Variants in CNBD2 observed in about 807,000 individuals in gnomAD.
CNBD2 encodes the protein cyclic nucleotide binding domain containing 2.
A neutral mutation model predicts 63.7 loss-of-function variants in CNBD2; 64 were observed. The ratio of observed to expected loss-of-function variants is 1.00; its 90% CI spans 0.82 to 1.24. The LOEUF is 1.24. CNBD2 is among the 50% of genes most tolerant of loss of function. The pLI, the probability that CNBD2 is intolerant of heterozygous loss-of-function variation, is 0.00. For missense variants in CNBD2, 691 were observed against 713.5 expected, an observed-to-expected ratio of 0.97 and a Z score of 0.36; for synonymous variants, 229 against 255.4, an observed-to-expected ratio of 0.90 and a Z score of 0.99.
intron 4 of CNBD2, among the ~76,000 whole-genome samples, chr20:35,982,465 C>T (rs997206388): frequency 2.0e-5 from 3 of 151,970 alleles, no homozygotes; most frequent in Admixed American, 2.0e-4. Flanking sequence ...TTGAATGTGC[C>T]GTGCTTTGGG....
At chr20:35,965,375 A>G (rs1427713073), upstream of CNBD2, among the ~76,000 whole-genome samples, 1 of 151,976 alleles carries the variant, frequency 6.6e-6, no homozygotes, top group Non-Finnish European at 1.5e-5. Context: ...ACTGGGTTTC[A>G]CCATGTTGGA....
upstream of CNBD2, chr20:35,954,692 C>T (rs6087748): frequency 4.4e-6 from 5 of 1,146,458 alleles, no homozygotes; most frequent in African/African-American, 3.2e-5. Flanking sequence ...GAGGAGGAGC[C>T]TGAATGTTTG....
intron 3 of CNBD2, among the ~76,000 whole-genome samples, chr20:35,978,751 C>T (rs2056557679): frequency 6.6e-6 from 1 of 152,128 alleles, no homozygotes; most frequent in South Asian, 2.1e-4. Context: ...CTTGGCCTCC[C>T]AAAGCACTGG....
intron 2 of CNBD2, among the ~76,000 whole-genome samples, chr20:35,975,676 C>T (rs1007670480): frequency 5.3e-5 from 8 of 152,118 alleles, no homozygotes; most frequent in African/African-American, 1.9e-4. Context: ...TTCCTTTTCT[C>T]TCTCCTTTCC....
rs200544673 is a variant in CNBD2, at chr20:35,975,933, G to A, written c.190-16G>A. ...CTTGCTGATTCTCCCTCTTCTCCCT[G>A]CCCTCTTTCTTTCAGAAAAAGATGC... On this transcript the variant is annotated splice_polypyrimidine_tract_variant and intron_variant, in intron 2 of 11. Transcript: ENST00000373973. The A allele has an allele frequency of 6.2e-7, 1 of 1,610,916 alleles. No individual in the cohort carries two copies. The highest frequency in any genetic ancestry group is 8.5e-7 in the Non-Finnish European group (1 of 1,177,386).
At chr20:35,998,830 G>A (rs759084428) in intron 8 of CNBD2, among the ~76,000 whole-genome samples, 1 of 132,774 alleles carries the variant, frequency 7.5e-6, no homozygotes, top group Non-Finnish European at 1.5e-5. Flanking sequence ...CCAAGATCAC[G>A]CCACTGCACT....
Position 36,000,446 on chromosome 20 carries a change from G to A in CNBD2, c.970+5294G>A, listed in dbSNP as rs546957548. Among the ~76,000 whole-genome samples the A allele has an allele frequency of 5.3e-5, 8 of 151,870 alleles. No homozygotes were observed. The South Asian group carries it at 1.0e-3, about 20-fold the overall frequency. ...GGCTGGAGTGCAATAGTGTAATCTC[G>A]GCTCACTGCAACCTCTACCTCCCTG... On this transcript the variant is annotated intron_variant, in intron 8 of 11. Coordinates refer to ENST00000373973, the MANE Select transcript of CNBD2 (RefSeq NM_001365709.1).
intron 10 of CNBD2, among the ~76,000 whole-genome samples, chr20:36,019,813 G>T (rs2057184441): frequency 6.6e-6 from 1 of 152,180 alleles, no homozygotes. Flanking sequence ...AGCCAGAGAA[G>T]CAACTGACTC....
At chr20:35,971,318 T>G (rs2056414717) in intron 1 of CNBD2, among the ~76,000 whole-genome samples, 1 of 152,200 alleles carries the variant, frequency 6.6e-6, no homozygotes. Flanking sequence ...GACATATCTT[T>G]CTTAAAAATA....
intron 8 of CNBD2, among the ~76,000 whole-genome samples, chr20:36,006,358 C>T (rs576422153): frequency 1.8e-4 from 28 of 151,916 alleles, no homozygotes; most frequent in African/African-American, 4.1e-4. Flanking sequence ...ATGTTCTTGA[C>T]GTATAATTTT....
intron 11 of CNBD2, among the ~76,000 whole-genome samples, chr20:36,025,035 G>A (rs1200989366): frequency 3.3e-5 from 5 of 152,104 alleles, no homozygotes; most frequent in African/African-American, 1.2e-4. Context: ...CCACACTAAG[G>A]GGATAGTTTA....
chr20:35,989,364 T>C (rs1327618162), intron 7 of CNBD2, among the ~76,000 whole-genome samples: 2 of 152,230 alleles, frequency 1.3e-5, no homozygotes, highest in East Asian at 1.9e-4. Context: ...TGAAAAAGAC[T>C]GGTTTTCTCT....
At chr20:36,021,330 T>A (rs919138743) in intron 10 of CNBD2, among the ~76,000 whole-genome samples, 12 of 152,312 alleles carry the variant, frequency 7.9e-5, no homozygotes, top group African/African-American at 2.6e-4. Flanking sequence ...TTGTATGTTC[T>A]CACTCATATG....
At chr20:36,007,625 C>T (rs983715625) in intron 8 of CNBD2, among the ~76,000 whole-genome samples, 3 of 152,108 alleles carry the variant, frequency 2.0e-5, no homozygotes, top group African/African-American at 7.2e-5. Flanking sequence ...TGGGCTCATG[C>T]AATCCTTCCA....
chr20:35,982,384 T>C (rs2056609736), intron 4 of CNBD2, among the ~76,000 whole-genome samples: 1 of 152,120 alleles, frequency 6.6e-6, no homozygotes, highest in South Asian at 2.1e-4. Flanking sequence ...CTCCCACCAC[T>C]CCCCTGACTT....
chr20:35,990,056 G>A (rs1240103693), intron 7 of CNBD2, among the ~76,000 whole-genome samples: 2 of 152,056 alleles, frequency 1.3e-5, no homozygotes, highest in South Asian at 2.1e-4. Context: ...TTCAGGTTAC[G>A]TCTATTGTGT....
chr20:35,973,312 A>ATG, intron 2 of CNBD2: 1 of 155,566 alleles, frequency 6.4e-6, no homozygotes, highest in Non-Finnish European at 1.4e-5. Flanking sequence ...GGGTTTTCTA[A>ATG]ATGCCCACAC....
intron 11 of CNBD2, among the ~76,000 whole-genome samples, chr20:36,028,033 T>C (rs940701129): frequency 1.3e-5 from 2 of 152,124 alleles, no homozygotes; most frequent in African/African-American, 4.8e-5. Flanking sequence ...GGCAGTCTTG[T>C]GAGAAAAACA....
upstream of CNBD2, chr20:35,954,523 A>G: frequency 6.6e-7 from 1 of 1,525,006 alleles, no homozygotes; most frequent in Non-Finnish European, 8.8e-7. Context: ...GCGCGCGAGC[A>G]CCCGGAAGCC....
Sources: allele counts gnomAD v4.1 joint callset (sites outside exome capture counted in the v4.1 genomes callset), GRCh38; gene constraint gnomAD v4.1.1; transcripts MANE v1.5; gene names NCBI Gene and HGNC (gene_info 2026-07-23, HGNC 2026-07-21).